Variants in AKT2 observed in about 807,000 individuals in gnomAD.
AKT2 encodes the protein AKT serine/threonine kinase 2.
AKT2 carries 16 observed loss-of-function variants against 58.6 expected under a neutral mutation model. The observed-to-expected ratio is 0.27, with a 90% confidence interval of 0.18 to 0.41. The LOEUF is 0.41. AKT2 is among the 10% of genes least tolerant of loss of function. The pLI is 1.00. For missense variants in AKT2, 438 were observed against 661.0 expected, an observed-to-expected ratio of 0.66 and a Z score of 3.70; for synonymous variants, 253 against 254.0, an observed-to-expected ratio of 1.00 and a Z score of 0.04.
At chr19:40,281,135 G>T (rs2077416579) in intron 1 of AKT2, among the ~76,000 whole-genome samples, 1 of 152,086 alleles carries the variant, frequency 6.6e-6, no homozygotes, top group African/African-American at 2.4e-5. Context: ...ACCCCTGCAG[G>T]CACTTCTGCT....
rs374101270 is a variant in AKT2, at chr19:40,250,939, G to C, written c.287+4219C>G. ...ACCAGAAAGCTGGGTGTGGTGGTTT[G>C]TGCCTATAATCCCAGCACTTTGGGA... On this transcript the variant is annotated intron_variant, in intron 4 of 13. Transcript: ENST00000392038. 3.3e-5 allele frequency among the ~76,000 whole-genome samples: 5 copies of C among 152,266 alleles called. No homozygotes were observed. The East Asian group carries it at 5.8e-4, about 18-fold the overall frequency.
At chr19:40,283,887 C>T (rs939480353) in intron 1 of AKT2, among the ~76,000 whole-genome samples, 5 of 152,158 alleles carry the variant, frequency 3.3e-5, no homozygotes, top group African/African-American at 9.7e-5. Context: ...ACTGTTACTG[C>T]CTTGGTGGGG....
At chr19:40,258,376 C>T (rs1975704324) in intron 2 of AKT2, among the ~76,000 whole-genome samples, 1 of 150,372 alleles carries the variant, frequency 6.7e-6, no homozygotes, top group South Asian at 2.1e-4. Flanking sequence ...TTTACCTCAA[C>T]ATGGCTATTA....
Position 40,235,834 on chromosome 19 carries a change from C to G in AKT2, c.1175+56G>C. ...TGTGGACGCTGCCCCCTCCAGGCCG[C>G]AGGGACAGTGGCAGCAGCTGGCGCT... On this transcript the variant is annotated intron_variant, in intron 11 of 13. Coordinates refer to ENST00000392038, the MANE Select transcript of AKT2 (RefSeq NM_001626.6). The surrounding 1 kb of genome is among the most constrained non-coding windows in gnomAD (Gnocchi z 6.3). 1.9e-6 allele frequency: 3 copies of G among 1,545,148 alleles called. No individual in the cohort carries two copies. The highest frequency in any genetic ancestry group is 1.4e-5 in the African/African-American group (1 of 73,844).
intron 1 of AKT2, among the ~76,000 whole-genome samples, chr19:40,278,736 C>CCCG (rs1457354996): frequency 6.6e-6 from 1 of 152,018 alleles, no homozygotes; most frequent in East Asian, 1.9e-4. Context: ...CCAAATTCAT[C>CCCG]CCGCCGCCTC....
chr19:40,277,545 C>A (rs1371691316), intron 1 of AKT2, among the ~76,000 whole-genome samples: 1 of 152,182 alleles, frequency 6.6e-6, no homozygotes, highest in Admixed American at 6.5e-5. Context: ...ATAGCCCAGG[C>A]CCTGAGCCCT....
At chr19:40,278,945 T>C (rs746076286) in intron 1 of AKT2, among the ~76,000 whole-genome samples, 2 of 149,168 alleles carry the variant, frequency 1.3e-5, no homozygotes, top group Non-Finnish European at 3.0e-5. Context: ...ACCAGGTCAC[T>C]CAGCAGCCCC....
intron 4 of AKT2, among the ~76,000 whole-genome samples, chr19:40,247,808 G>C (rs566937932): frequency 6.6e-6 from 1 of 152,298 alleles, no homozygotes; most frequent in South Asian, 2.1e-4. Flanking sequence ...AAAATGACAA[G>C]ACCGAAGCAC....
intron 2 of AKT2, among the ~76,000 whole-genome samples, chr19:40,257,996 C>T (rs142961762): frequency 2.4e-4 from 36 of 152,176 alleles, no homozygotes; most frequent in African/African-American, 6.3e-4. Flanking sequence ...CCTGTAATCC[C>T]GGCACTTTGG....
intron 2 of AKT2, 141 bp downstream of exon 2, chr19:40,265,081 C>CA: frequency 8.0e-7 from 1 of 1,253,174 alleles, no homozygotes; most frequent in Non-Finnish European, 1.1e-6. Flanking sequence ...GAAATGGGGG[C>CA]ATAAGCAGCT....
At chr19:40,239,743 G>T (rs1974272007) in intron 7 of AKT2, 1 of 588,282 alleles carries the variant, frequency 1.7e-6, no homozygotes, top group Admixed American at 2.6e-5. Context: ...ACTTCAACCA[G>T]CTGGGCTAAG....
chr19:40,231,899 C>T lies in AKT2; in HGVS notation c.*1973G>A, dbSNP rs756024865. The T allele has an allele frequency of 5.2e-4, 122 of 233,338 alleles. No homozygotes were observed. Among genetic ancestry groups the T allele is most frequent in the Admixed American group, 1.7e-3 (30 of 17,786 alleles). The allele number at this position is 233,338 out of a possible 1,614,324, so 14.5% of individuals were successfully genotyped here. On this transcript the variant is annotated 3_prime_UTR_variant, in exon 14 of 14. Coordinates refer to ENST00000392038, the MANE Select transcript of AKT2 (RefSeq NM_001626.6). ...GGGCCTCAAGGCTTCCAGGTGGCAG[C>T]ATAAACAGGGAGGTGGGGCAGGATA... is the stretch of plus-strand genomic sequence containing the variant.
At chr19:40,277,856 T>G (rs1223913849) in intron 1 of AKT2, among the ~76,000 whole-genome samples, 2 of 152,178 alleles carry the variant, frequency 1.3e-5, no homozygotes, top group African/African-American at 4.8e-5. Flanking sequence ...TAGAAGTGAT[T>G]CAATCAATAT....
chr19:40,270,045 C>T (rs952080675), intron 1 of AKT2, among the ~76,000 whole-genome samples: 2 of 152,250 alleles, frequency 1.3e-5, no homozygotes, highest in Non-Finnish European at 2.9e-5. Flanking sequence ...TGGGGACGCC[C>T]CACCTCAGGG....
intron 2 of AKT2, among the ~76,000 whole-genome samples, chr19:40,259,014 G>A (rs1346655500): frequency 2.0e-5 from 3 of 152,082 alleles, no homozygotes; most frequent in Middle Eastern, 6.8e-3. Context: ...ACTATACAAA[G>A]CTATAGTAAT....
chr19:40,237,858 C>G lies in AKT2; in HGVS notation c.831+111G>C, dbSNP rs763993771. 3.0e-5 allele frequency: 45 copies of G among 1,510,780 alleles called. No homozygotes were observed. The highest frequency in any genetic ancestry group is 3.8e-5 in the Non-Finnish European group (43 of 1,117,290). The allele number at this position is 1,510,780 out of a possible 1,614,324, so 93.6% of individuals were successfully genotyped here. On this transcript the variant is annotated intron_variant, in intron 9 of 13. Transcript: ENST00000392038. The surrounding 1 kb of genome is among the most constrained non-coding windows in gnomAD (Gnocchi z 4.5). ...AATGAGGGCAGCCACCACCCTGGAC[C>G]TTGGTGGGGAGCCTGGCGAATGAGG...
At chr19:40,258,787 T>G (rs1975736089) in intron 2 of AKT2, among the ~76,000 whole-genome samples, 1 of 152,126 alleles carries the variant, frequency 6.6e-6, no homozygotes, top group South Asian at 2.1e-4. Flanking sequence ...ACATCCTGTG[T>G]GCATGGATTA....
chr19:40,283,252 A>G (rs759615283), intron 1 of AKT2: 18 of 152,276 alleles, frequency 1.2e-4, no homozygotes, highest in Non-Finnish European at 2.2e-4. Context: ...GTTTATCTAT[A>G]TGAAGCATTC....
At position 40,237,633 on chromosome 19, in the gene AKT2, A is replaced by G. The variant is rs1049258849; in HGVS notation, c.831+336T>C. 15 of 307,620 alleles carry G rather than the reference A, an allele frequency of 4.9e-5. No homozygotes were observed. Among genetic ancestry groups the G allele is most frequent in the Admixed American group, 4.5e-5 (1 of 22,294 alleles). The allele number at this position is 307,620 out of a possible 1,614,324, so 19.1% of individuals were successfully genotyped here. The stretch of plus-strand genomic sequence containing the variant: ...GCACTCAACAGAGTAAGACTCCTCA[A>G]AAATAAATAAATAAATAAATACAAA... On this transcript the variant is annotated intron_variant, in intron 9 of 13. Coordinates refer to ENST00000392038, the MANE Select transcript of AKT2 (RefSeq NM_001626.6). The surrounding 1 kb of genome is among the most constrained non-coding windows in gnomAD (Gnocchi z 4.5).
Sources: allele counts gnomAD v4.1 joint callset (sites outside exome capture counted in the v4.1 genomes callset), GRCh38; gene constraint gnomAD v4.1.1; non-coding constraint Gnocchi (gnomAD v3.1); transcripts MANE v1.5; gene names NCBI Gene and HGNC (gene_info 2026-07-23, HGNC 2026-07-21).